Variants in CFAP299 observed in about 807,000 individuals in gnomAD.
CFAP299 encodes cilia- and flagella-associated protein 299.
Under a neutral mutation model 27.0 loss-of-function variants are expected in CFAP299, and 21 were observed. The observed-to-expected ratio is 0.78, with a 90% CI of 0.55 to 1.12. The LOEUF (loss-of-function observed/expected upper bound fraction) is 1.12, where lower values mean the gene tolerates loss of function less well. CFAP299 is among the 50% of genes most tolerant of loss of function. CFAP299 has a pLI of 0.00. For synonymous variants in CFAP299, 104 were observed against 98.1 expected (o/e 1.06, Z -0.36); for missense variants, 310 against 276.6 (o/e 1.12, Z -0.86).
At chr4:80,802,482 A>G (rs1728663421) in intron 3 of CFAP299, among the ~76,000 whole-genome samples, 1 of 152,032 alleles carries the variant, frequency 6.6e-6, no homozygotes, top group Admixed American at 6.6e-5. Context: ...CTATGATGTC[A>G]GTTCATAAGT....
chr4:80,816,586 A>G (rs531841997), intron 3 of CFAP299, among the ~76,000 whole-genome samples: 1 of 152,150 alleles, frequency 6.6e-6, no homozygotes, highest in Non-Finnish European at 1.5e-5. Context: ...TTTGGTTCGC[A>G]TATCACTATT....
chr4:80,348,386 C>T (rs1026333379), intron 1 of CFAP299, among the ~76,000 whole-genome samples: 30 of 152,194 alleles, frequency 2.0e-4, no homozygotes, highest in Admixed American at 1.6e-3. Flanking sequence ...GCAATCTATC[C>T]GTCTGACAAA....
intron 3 of CFAP299, among the ~76,000 whole-genome samples, chr4:80,844,668 G>A (rs1286417663): frequency 6.6e-6 from 1 of 152,130 alleles, no homozygotes; most frequent in Non-Finnish European, 1.5e-5. Flanking sequence ...TTTGTCAGAT[G>A]AGTAGATTGC....
chr4:80,437,919 T>C (rs1421524675), intron 2 of CFAP299, among the ~76,000 whole-genome samples: 1 of 150,338 alleles, frequency 6.7e-6, no homozygotes, highest in Non-Finnish European at 1.5e-5. Context: ...TCTTTAGGTT[T>C]CTTTCTTATT....
intron 4 of CFAP299, among the ~76,000 whole-genome samples, chr4:80,917,100 A>G (rs1401521914): frequency 6.6e-6 from 1 of 152,140 alleles, no homozygotes; most frequent in Non-Finnish European, 1.5e-5. Context: ...GGAGTCAGAG[A>G]TTGCTCCAAA....
chr4:80,531,329 T>G (rs1487805105), intron 2 of CFAP299, among the ~76,000 whole-genome samples: 2 of 152,224 alleles, frequency 1.3e-5, no homozygotes, highest in African/African-American at 4.8e-5. Flanking sequence ...ATAAATTTCT[T>G]TATACATTTT....
intron 3 of CFAP299, among the ~76,000 whole-genome samples, chr4:80,734,611 A>T (rs547387506): frequency 6.6e-6 from 1 of 152,160 alleles, no homozygotes; most frequent in Admixed American, 6.6e-5. Flanking sequence ...CTTAGATTTA[A>T]GTCTTTAATC....
rs78253152 is a variant in CFAP299 at position 80,831,923 on chromosome 4, G to T, written c.334-38070G>T. Among the ~76,000 whole-genome samples the T allele has an allele frequency of 3.6e-3, 547 of 152,256 alleles. 2 individuals carry two copies. The highest frequency in any genetic ancestry group is 0.012 in the African/African-American group (511 of 41,554). On this transcript the variant is annotated intron_variant, in intron 3 of 5. Coordinates refer to ENST00000358105, the MANE Select transcript of CFAP299 (RefSeq NM_152770.3). ...CTTGAATCATCAGAAACTAGTGCTT[G>T]TTAATGATGTTCCAAACAATTTTTC... is the stretch of plus-strand genomic sequence containing the variant.
intron 3 of CFAP299, among the ~76,000 whole-genome samples, chr4:80,824,439 T>C (rs1467589251): frequency 6.6e-6 from 1 of 152,066 alleles, no homozygotes; most frequent in Non-Finnish European, 1.5e-5. Flanking sequence ...TACAGACACA[T>C]AGGTAGGCAG....
intron 4 of CFAP299, among the ~76,000 whole-genome samples, chr4:80,875,814 GCATA>G (rs1201270156): frequency 6.6e-6 from 1 of 152,050 alleles, no homozygotes; most frequent in African/African-American, 2.4e-5. Flanking sequence ...AGTTACTCAT[GCATA>G]GTACCTGCTA....
intron 2 of CFAP299, among the ~76,000 whole-genome samples, chr4:80,472,660 CAGG>C (rs1427942691): frequency 6.6e-6 from 1 of 152,128 alleles, no homozygotes; most frequent in East Asian, 1.9e-4. Flanking sequence ...GCCGGCTGGA[CAGG>C]AGAACCATAA....
intron 4 of CFAP299, among the ~76,000 whole-genome samples, chr4:80,914,464 C>T (rs1014766448): frequency 1.3e-5 from 2 of 152,038 alleles, no homozygotes; most frequent in African/African-American, 2.4e-5. Flanking sequence ...TAGCAATATC[C>T]GTATCCTCTA....
At chr4:80,799,175 T>A (rs1317214738) in intron 3 of CFAP299, among the ~76,000 whole-genome samples, 1 of 121,372 alleles carries the variant, frequency 8.2e-6, no homozygotes, top group Non-Finnish European at 1.6e-5. Context: ...TATTTATATA[T>A]ATTGTATAAA....
intron 4 of CFAP299, among the ~76,000 whole-genome samples, chr4:80,940,824 C>T (rs1203584659): frequency 6.6e-6 from 1 of 152,032 alleles, no homozygotes; most frequent in African/African-American, 2.4e-5. Flanking sequence ...TACTACTGTG[C>T]CCTAATCAGT....
Position 80,335,834 on chromosome 4 carries a change from T to C in CFAP299, c.66T>C (p.Asp22=), listed in dbSNP as rs1427419771. 3 of 1,613,736 alleles carry C rather than the reference T, an allele frequency of 1.9e-6. No homozygotes were observed. Among genetic ancestry groups the C allele is most frequent in the Non-Finnish European group, 2.5e-6 (3 of 1,179,716 alleles). ...TCACTCAATTCAACGCCTATGAAGA[T>C]TTCCTGGACTCGCAGATCACTACTG... ...NIVTQFNAYE[D]FLDSQITTVD... is the part of the protein sequence containing the mutation. The change falls in exon 1 of 6, where the codon GAT becomes GAC. Residue 22 remains aspartate, a synonymous_variant. Coordinates refer to ENST00000358105, the MANE Select transcript of CFAP299 (RefSeq NM_152770.3).
intron 3 of CFAP299, among the ~76,000 whole-genome samples, chr4:80,800,485 A>ATATATAATATAT (rs1728435073): frequency 1.6e-3 from 4 of 2,576 alleles, no homozygotes; most frequent in African/African-American, 2.4e-3. Flanking sequence ...ATATTATATA[A>ATATATAATATAT]TATATAATAT....
chr4:80,364,028 A>G (rs1723680693), intron 2 of CFAP299, among the ~76,000 whole-genome samples: 1 of 148,392 alleles, frequency 6.7e-6, no homozygotes, highest in African/African-American at 2.5e-5. Flanking sequence ...CGGAGCTTGC[A>G]GTGAGCCAAG....
chr4:80,488,206 A>G (rs990688083), intron 2 of CFAP299, among the ~76,000 whole-genome samples: 6 of 152,168 alleles, frequency 3.9e-5, no homozygotes, highest in Non-Finnish European at 7.3e-5. Flanking sequence ...ATGGACACAA[A>G]CACTACAGCC....
chr4:80,865,843 C>T (rs1480468262), intron 3 of CFAP299, among the ~76,000 whole-genome samples: 1 of 139,576 alleles, frequency 7.2e-6, no homozygotes, highest in East Asian at 2.2e-4. Flanking sequence ...ACCACATGTT[C>T]TCACTCACAG....
Sources: gnomAD v4.1 joint callset for allele counts (sites outside exome capture counted in the v4.1 genomes callset) on GRCh38, gnomAD v4.1.1 for gene constraint, MANE v1.5 for transcripts, NCBI Gene and HGNC (gene_info 2026-07-23, HGNC 2026-07-21) for gene names.